The following KLHL3 variants were observed in gnomAD, a reference collection of about 807,000 sequenced individuals.
KLHL3 encodes kelch like family member 3.
KLHL3 carries 19 observed loss-of-function variants against 70.5 expected under a neutral mutation model. The ratio of observed to expected loss-of-function variants is 0.27; its 90% CI spans 0.19 to 0.40. The LOEUF is 0.40. KLHL3 is among the 10% of genes least tolerant of loss of function. The pLI, the probability that KLHL3 is intolerant of heterozygous loss-of-function variation, is 1.00. For synonymous variants in KLHL3, 258 were observed against 290.3 expected, an observed-to-expected ratio of 0.89 and a Z score of 1.13; for missense variants, 512 against 771.1, an observed-to-expected ratio of 0.66 and a Z score of 3.98.
At chr5:137,725,698 T>G (rs1753074482) in intron 1 of KLHL3, among the ~76,000 whole-genome samples, 1 of 152,228 alleles carries the variant, frequency 6.6e-6, no homozygotes, top group Non-Finnish European at 1.5e-5. Flanking sequence ...AACACATGAA[T>G]CTAGTCAACT....
At chr5:137,633,038 T>C (rs1750676333) in intron 12 of KLHL3, among the ~76,000 whole-genome samples, 2 of 152,058 alleles carry the variant, frequency 1.3e-5, no homozygotes. Flanking sequence ...CCCAGCACTT[T>C]GAGAGGCCGA....
intron 7 of KLHL3, among the ~76,000 whole-genome samples, chr5:137,658,793 G>A (rs975768476): frequency 1.3e-5 from 2 of 152,154 alleles, no homozygotes; most frequent in African/African-American, 2.4e-5. Flanking sequence ...ATTCATATTC[G>A]TTGTCTTATA....
At chr5:137,633,915 T>G in intron 12 of KLHL3, 122 bp downstream of exon 12, 1 of 1,270,746 alleles carries the variant, frequency 7.9e-7, no homozygotes, top group African/African-American at 1.5e-5. Flanking sequence ...TCGACCATTA[T>G]GCAATATATC....
At chr5:137,690,674 C>A (rs567612357) in intron 5 of KLHL3, among the ~76,000 whole-genome samples, 1 of 152,186 alleles carries the variant, frequency 6.6e-6, no homozygotes, top group Non-Finnish European at 1.5e-5. Flanking sequence ...ACATGAGAGT[C>A]TCTGCAGGCT....
chr5:137,658,404 A>G, intron 7 of KLHL3, 124 bp from the exon 8 acceptor site: 1 of 919,976 alleles, frequency 1.1e-6, no homozygotes, highest in Non-Finnish European at 1.7e-6. Context: ...ATCATCTCAG[A>G]CCCAAAGAGT....
chr5:137,661,877 T>C lies in KLHL3; in HGVS notation c.753+38A>G, dbSNP rs557930880. On this transcript the variant is annotated intron_variant, in intron 7 of 14. Transcript: ENST00000309755. ...CCATTGCTATTCCTACAGGTCTGGG[T>C]GAACACAGAAGTGCTTGGCTCTTCA... 4.3e-6 allele frequency: 5 copies of C among 1,159,456 alleles called. No individual in the cohort carries two copies. In the Admixed American group the frequency reaches 6.8e-5, roughly 16 times the overall value. 71.8% of individuals were successfully genotyped at this position (1,159,456 alleles called of 1,614,324 possible). A position where few individuals can be genotyped will look rare whatever the true frequency, so the allele number is the denominator to read the frequency against.
intron 2 of KLHL3, among the ~76,000 whole-genome samples, chr5:137,719,240 A>G (rs748169848): frequency 1.4e-4 from 21 of 152,184 alleles, no homozygotes; most frequent in Non-Finnish European, 2.2e-4. Context: ...TAGAAAGATT[A>G]TTTTCATTGA....
At chr5:137,727,684 C>T (rs1490944311) in intron 1 of KLHL3, among the ~76,000 whole-genome samples, 4 of 152,148 alleles carry the variant, frequency 2.6e-5, no homozygotes, top group Admixed American at 2.6e-4. Context: ...TTCCCTGAAG[C>T]CTTCCCTCTC....
At chr5:137,719,771 A>G (rs1405980389) in intron 2 of KLHL3, among the ~76,000 whole-genome samples, 2 of 152,188 alleles carry the variant, frequency 1.3e-5, no homozygotes, top group Non-Finnish European at 2.9e-5. Context: ...GAGAGTGAAA[A>G]ACCAGAAGAA....
intron 6 of KLHL3, among the ~76,000 whole-genome samples, chr5:137,664,488 A>G (rs951398476): frequency 6.6e-6 from 1 of 152,198 alleles, no homozygotes; most frequent in Non-Finnish European, 1.5e-5. Context: ...AATACCACCA[A>G]TGTAATAACT....
At chr5:137,658,080 C>G (rs371232513) in intron 8 of KLHL3, 51 bp downstream of exon 8, 109 of 1,553,170 alleles carry the variant, frequency 7.0e-5, no homozygotes, top group Non-Finnish European at 8.8e-5. Context: ...TGGAAGGCCA[C>G]TTTCCCAGGG....
chr5:137,731,534 G>A lies in KLHL3; in HGVS notation c.14+4099C>T, dbSNP rs573374383. ...CCTCAGAAAATATTCTCTATCTGTC[G>A]TTCCTGGATCAAGGGTAAATAGATG... On this transcript the variant is annotated intron_variant, in intron 1 of 14. Coordinates refer to ENST00000309755, the MANE Select transcript of KLHL3 (RefSeq NM_017415.3). Among the ~76,000 whole-genome samples, 12 of 152,160 alleles carry A rather than the reference G, an allele frequency of 7.9e-5. No individual in the cohort carries two copies. In the East Asian group the frequency reaches 1.5e-3, roughly 20 times the overall value.
intron 5 of KLHL3, among the ~76,000 whole-genome samples, chr5:137,691,080 A>G (rs2905601): frequency 0.78 from 118,885 of 152,150 alleles, 46,682 homozygotes; most frequent in East Asian, 0.98. Flanking sequence ...CTCCCTCCCA[A>G]AACCCCATTA....
At chr5:137,710,344 G>C (rs1220468922) in intron 2 of KLHL3, among the ~76,000 whole-genome samples, 1 of 152,134 alleles carries the variant, frequency 6.6e-6, no homozygotes, top group Admixed American at 6.5e-5. Context: ...GCCGGCCTTA[G>C]GTATTTCTCT....
rs921398292 is a variant in KLHL3, at chr5:137,735,927, C to G, written c.-281G>C. On this transcript the variant is annotated 5_prime_UTR_variant, in exon 1 of 15. Transcript: ENST00000309755. ...AGCAACCCACTTGCTCCCCCTCCCC[C>G]GCAGGCTTGCTGCTCCTTGGTCTCC... 7.8e-6 allele frequency: 4 copies of G among 509,840 alleles called. No homozygotes were observed. Among genetic ancestry groups the G allele is most frequent in the Non-Finnish European group, 1.1e-5 (3 of 278,362 alleles). 31.6% of individuals were successfully genotyped at this position (509,840 alleles called of 1,614,324 possible). A position where few individuals can be genotyped will look rare whatever the true frequency, so the allele number is the denominator to read the frequency against.
chr5:137,662,529 C>G (rs1009691532), intron 6 of KLHL3, among the ~76,000 whole-genome samples: 12 of 152,188 alleles, frequency 7.9e-5, no homozygotes, highest in African/African-American at 2.7e-4. Flanking sequence ...CTGCCCAAAG[C>G]TGGCTGTGAT....
Position 137,735,788 on chromosome 5 carries a change from C to CCCTTCTCAATCCTCCTT in KLHL3, c.-159_-143dup, listed in dbSNP as rs1753251998. 6 of 1,111,250 alleles carry CCCTTCTCAATCCTCCTT rather than the reference C, an allele frequency of 5.4e-6. No individual in the cohort carries two copies. The highest frequency in any genetic ancestry group is 8.2e-6 in the Non-Finnish European group (6 of 728,544). The allele number at this position is 1,111,250 out of a possible 1,614,324, so 68.8% of individuals were successfully genotyped here. ...AGCATGGCTGCAAGTGAAGCCTCCT[C>CCCTTCTCAATCCTCCTT]CCTTCTCAATCCTCCTTCCTCTGAC... On this transcript the variant is annotated 5_prime_UTR_variant, in exon 1 of 15. Transcript: ENST00000309755.
chr5:137,632,447 TAGCCACATACAGAAAA>T (rs1055073597), intron 12 of KLHL3, among the ~76,000 whole-genome samples: 1 of 152,126 alleles, frequency 6.6e-6, no homozygotes, highest in African/African-American at 2.4e-5. Context: ...TGTATGTGGC[TAGCCACATACAGAAAA>T]ATGAAACTAG....
chr5:137,637,222 G>T, intron 11 of KLHL3, 72 bp downstream of exon 11: 1 of 1,228,024 alleles, frequency 8.1e-7, no homozygotes, highest in Non-Finnish European at 1.2e-6. Flanking sequence ...GAAGCACCAA[G>T]CATGATGCTG....
Sources: gnomAD v4.1 joint callset for allele counts (sites outside exome capture counted in the v4.1 genomes callset) on GRCh38, gnomAD v4.1.1 for gene constraint, MANE v1.5 for transcripts, NCBI Gene and HGNC (gene_info 2026-07-23, HGNC 2026-07-21) for gene names.